Variants in FSIP2 observed in about 807,000 individuals in gnomAD.
FSIP2 encodes the protein fibrous sheath interacting protein 2.
Under a neutral mutation model 510.5 loss-of-function variants are expected in FSIP2, and 367 were observed. The ratio of observed to expected loss-of-function variants is 0.72; its 90% CI spans 0.66 to 0.78. FSIP2 has a LOEUF of 0.78. Ranked by LOEUF, FSIP2 falls within the 30% of genes least tolerant of loss-of-function variation. The pLI, the probability that FSIP2 is intolerant of heterozygous loss-of-function variation, is 0.00. For synonymous variants in FSIP2, 2,601 were observed against 2,732.2 expected (o/e 0.95, Z 1.50); for missense variants, 7,594 against 7,901.7 (o/e 0.96, Z 1.48).
rs1437851371 is a variant in FSIP2, at chr2:185,788,866, A to G, written c.1730A>G (p.Lys577Arg). The part of the protein sequence containing the change: ...TYRSYTSATT[K>R]TFQAEPCAFV... ...AGAAGCTACACATCTGCAACAACTA[A>G]AACATTTCAGGCAGAACCCTGTGCA... Residue 577 changes from lysine to arginine, a missense_variant, in exon 16 of 23, where the codon AAA becomes AGA. Transcript: ENST00000424728. 1 of 1,534,938 alleles carries G rather than the reference A, an allele frequency of 6.5e-7. No homozygotes were observed. Among genetic ancestry groups the G allele is most frequent in the East Asian group, 2.4e-5 (1 of 40,872 alleles).
At chr2:185,758,280 T>C (rs928947045) in intron 9 of FSIP2, among the ~76,000 whole-genome samples, 2 of 151,062 alleles carry the variant, frequency 1.3e-5, no homozygotes, top group African/African-American at 4.8e-5. Context: ...ATTGAATGAC[T>C]AGAAGTACAG....
At position 185,806,100 on chromosome 2, in the gene FSIP2, A is replaced by G. The variant is rs745466871; in HGVS notation, c.16794A>G (p.Glu5598=). The G allele has an allele frequency of 3.8e-6, 6 of 1,576,504 alleles. No individual in the cohort carries two copies. Among genetic ancestry groups the G allele is most frequent in the Admixed American group, 2.0e-5 (1 of 51,006 alleles). The change falls in exon 17 of 23, where the codon GAA becomes GAG. Residue 5598 remains glutamate (E), a synonymous_variant. Coordinates refer to ENST00000424728, the MANE Select transcript of FSIP2 (RefSeq NM_173651.4). The stretch of plus-strand genomic sequence containing the variant: ...TTGATGATACAGAATATGAGAAGGA[A>G]GTACTTGGATCAGATTCTGAAATAG... ...LIIDDTEYEK[E]VLGSDSEIGY...
intron 19 of FSIP2, among the ~76,000 whole-genome samples, chr2:185,818,120 A>G (rs965572838): frequency 2.0e-5 from 3 of 151,978 alleles, no homozygotes; most frequent in Non-Finnish European, 2.9e-5. Context: ...CAAATGTGCA[A>G]GTATTATGTG....
intron 1 of FSIP2, 106 bp from the exon 2 acceptor site, chr2:185,739,240 A>G: frequency 7.8e-7 from 1 of 1,283,474 alleles, no homozygotes; most frequent in Non-Finnish European, 1.0e-6. Flanking sequence ...CCGAACCCTG[A>G]TTGTATAATT....
chr2:185,789,167 T>C lies in FSIP2; in HGVS notation c.2031T>C (p.Asp677=). 6.5e-7 allele frequency: 1 copy of C among 1,534,944 alleles called. No homozygotes were observed. ...GCTTAGGGAGTTCATTGCATTGTGA[T>C]AAAACAGCAAAAGCCATGGATGAAA... is the stretch of plus-strand genomic sequence containing the variant. The part of the protein sequence containing the change: ...TDSLGSSLHC[D]KTAKAMDEMK... Residue 677 remains aspartate, a synonymous_variant, in exon 16 of 23, where the codon GAT becomes GAC. Transcript: ENST00000424728.
rs1429031121 is a variant in FSIP2 at position 185,793,924 on chromosome 2, C to A, written c.6788C>A (p.Ser2263Tyr). ...ITKTIFKRLE[S>Y]FATERIDSLI... ...AAAACTATTTTTAAACGTTTGGAAT[C>A]TTTTGCCACAGAAAGAATAGATTCA... The change falls in exon 16 of 23, where the codon TCT becomes TAT. Residue 2263 changes from serine to tyrosine, a missense_variant. Ser to Tyr is a moderately radical substitution (Grantham distance 144). Transcript: ENST00000424728. The A allele has an allele frequency of 3.3e-6, 5 of 1,525,334 alleles. No homozygotes were observed. The Admixed American group carries it at 8.2e-5, about 25-fold the overall frequency. The allele number at this position is 1,525,334 out of a possible 1,614,324, so 94.5% of individuals were successfully genotyped here.
intron 13 of FSIP2, among the ~76,000 whole-genome samples, chr2:185,770,914 T>C (rs1224795300): frequency 2.0e-5 from 3 of 152,146 alleles, no homozygotes; most frequent in African/African-American, 7.2e-5. Flanking sequence ...AGAATTTCCA[T>C]TCTAAGAGGG....
chr2:185,749,844 C>G (rs1191578996), intron 7 of FSIP2, among the ~76,000 whole-genome samples: 3 of 151,660 alleles, frequency 2.0e-5, no homozygotes, highest in East Asian at 3.9e-4. Context: ...TCTTATATTT[C>G]TAGTTTGCTG....
In FSIP2 at chr2:185,813,602, C is replaced by T. The variant is rs771710858; in HGVS notation, c.19885C>T (p.Leu6629Phe). The T allele has an allele frequency of 1.3e-6, 2 of 1,572,430 alleles. No homozygotes were observed. The highest frequency in any genetic ancestry group is 1.4e-5 in the African/African-American group (1 of 72,644). Reference sequence around the variant, plus strand: ...AAAGCCTGATATTACAAAGGTGGAGCTCTTAAAAGATGTTCAAAGTAAAAA... The same window carrying T: ...AAAGCCTGATATTACAAAGGTGGAGTTCTTAAAAGATGTTCAAAGTAAAAA... ...IRKPDITKVE[L>F]LKDVQSKNDL... The change falls in exon 18 of 23, where the codon CTC becomes TTC. Residue 6629 changes from leucine to phenylalanine, a missense_variant. Leu to Phe is a conservative substitution (Grantham distance 22). Coordinates refer to ENST00000424728, the MANE Select transcript of FSIP2 (RefSeq NM_173651.4).
intron 13 of FSIP2, among the ~76,000 whole-genome samples, chr2:185,771,578 G>A (rs1376867183): frequency 6.6e-6 from 1 of 152,214 alleles, no homozygotes; most frequent in Non-Finnish European, 1.5e-5. Context: ...AGGCTGAGCA[G>A]AGGATCAGTT....
chr2:185,746,732 A>G lies in FSIP2; in HGVS notation c.681A>G (p.Leu227=), dbSNP rs754740481. The part of the protein sequence containing the change: ...QLERTAEEQR[L]FLMDREERRQ... ...AACGCACAGCAGAAGAACAACGCCT[A>G]TTCCTAATGGATAGAGAAGAAAGAC... The change falls in exon 6 of 23, where the codon CTA becomes CTG. Residue 227 remains leucine (L), a synonymous_variant. Transcript: ENST00000424728. 1.3e-6 allele frequency: 2 copies of G among 1,532,692 alleles called. No homozygotes were observed. Among genetic ancestry groups the G allele is most frequent in the South Asian group, 1.2e-5 (1 of 83,494 alleles). 94.9% of individuals were successfully genotyped at this position (1,532,692 alleles called of 1,614,324 possible). A position where few individuals can be genotyped will look rare whatever the true frequency, so the allele number is the denominator to read the frequency against.
chr2:185,763,717 A>G (rs1344953867), intron 12 of FSIP2, among the ~76,000 whole-genome samples: 1 of 151,594 alleles, frequency 6.6e-6, no homozygotes, highest in Non-Finnish European at 1.5e-5. Context: ...TATAGTATTA[A>G]CTAGCTCAAC....
At position 185,802,178 on chromosome 2, in the gene FSIP2, A is replaced by T; in HGVS notation, c.12872A>T (p.Glu4291Val). 6.5e-7 allele frequency: 1 copy of T among 1,533,370 alleles called. No homozygotes were observed. Among genetic ancestry groups the T allele is most frequent in the Non-Finnish European group, 8.7e-7 (1 of 1,145,108 alleles). 95.0% of individuals were successfully genotyped at this position (1,533,370 alleles called of 1,614,324 possible). A position where few individuals can be genotyped will look rare whatever the true frequency, so the allele number is the denominator to read the frequency against. ...ACACAGGTTCTGAGTGAAGTGATAG[A>T]GTCACACAGACCTCAGAAGCAATCA... ...IVTQVLSEVI[E>V]SHRPQKQSPL... is the part of the protein sequence containing the mutation. The change falls in exon 17 of 23, where the codon GAG becomes GTG. Residue 4291 changes from glutamate (E) to valine (V), a missense_variant. Glu to Val is a moderately radical substitution (Grantham distance 121). Transcript: ENST00000424728.
At chr2:185,762,428 CTTG>C (rs1692373022) in intron 11 of FSIP2, among the ~76,000 whole-genome samples, 1 of 151,218 alleles carries the variant, frequency 6.6e-6, no homozygotes, top group Non-Finnish European at 1.5e-5. Context: ...ATCTGTGTGC[CTTG>C]TTATGTTTAT....
rs1369591517 is a variant in FSIP2, at chr2:185,814,114, CT to C, written c.20325+74del. On this transcript the variant is annotated intron_variant, in intron 18 of 22. Transcript: ENST00000424728. ...TCACAAATCTGGCCCAAGAATGTAC[CT>C]TGATTAGTCAGAAAAGAATGCTAAA... 7 of 1,395,244 alleles carry C rather than the reference CT, an allele frequency of 5.0e-6. No homozygotes were observed. The African/African-American group carries it at 1.0e-4, about 20-fold the overall frequency. 86.4% of individuals were successfully genotyped at this position (1,395,244 alleles called of 1,614,324 possible). A position where few individuals can be genotyped will look rare whatever the true frequency, so the allele number is the denominator to read the frequency against.
At position 185,793,799 on chromosome 2, in the gene FSIP2, A is replaced by T; in HGVS notation, c.6663A>T (p.Lys2221Asn). Reference sequence around the variant, plus strand: ...GTTTTTCATATTCAAGAAATCAGAAATCAGCTTATGCTGATGATAATCAGA... The same window carrying T: ...GTTTTTCATATTCAAGAAATCAGAATTCAGCTTATGCTGATGATAATCAGA... Reference protein sequence around the residue: ...TERFSYSRNQKSAYADDNQIT... With the variant: ...TERFSYSRNQNSAYADDNQIT... The change falls in exon 16 of 23, where the codon AAA (lysine) becomes AAT (asparagine). Residue 2221 changes from lysine to asparagine, a missense_variant. Transcript: ENST00000424728. 2.6e-6 allele frequency: 4 copies of T among 1,533,050 alleles called. No individual in the cohort carries two copies. The highest frequency in any genetic ancestry group is 2.6e-6 in the Non-Finnish European group (3 of 1,145,396). The allele number at this position is 1,533,050 out of a possible 1,614,324, so 95.0% of individuals were successfully genotyped here.
At chr2:185,780,910 A>G (rs1692835594) in intron 13 of FSIP2, among the ~76,000 whole-genome samples, 1 of 152,226 alleles carries the variant, frequency 6.6e-6, no homozygotes, top group South Asian at 2.1e-4. Context: ...TTTTAGGGAC[A>G]ATACAGTTTC....
rs1474749760 is a variant in FSIP2, at chr2:185,800,123, A to T, written c.10817A>T (p.Asp3606Val). The change falls in exon 17 of 23, where the codon GAT becomes GTT. Residue 3606 changes from aspartate (D) to valine (V), a missense_variant. Coordinates refer to ENST00000424728, the MANE Select transcript of FSIP2 (RefSeq NM_173651.4). ...GGTGGCTTTGATGACCTCTTTCAGG[A>T]TCTCTTAGTAGGAGTGATTCATGTA... ...VSGGFDDLFQ[D>V]LLVGVIHVLS... 3 of 1,534,122 alleles carry T rather than the reference A, an allele frequency of 2.0e-6. No individual in the cohort carries two copies. Among genetic ancestry groups the T allele is most frequent in the Non-Finnish European group, 1.7e-6 (2 of 1,145,622 alleles).
rs1180950531 is a variant in FSIP2, at chr2:185,739,450, T to C, written c.204T>C (p.Tyr68=). 2.0e-6 allele frequency: 3 copies of C among 1,516,040 alleles called. No individual in the cohort carries two copies. Among genetic ancestry groups the C allele is most frequent in the Non-Finnish European group, 2.6e-6 (3 of 1,138,114 alleles). The allele number at this position is 1,516,040 out of a possible 1,614,324, so 93.9% of individuals were successfully genotyped here. ...PVIPGSNAVF[Y]TTNFGEKLFR... ...TCCCAGGAAGCAATGCTGTATTCTA[T>C]ACTACGAATTTCGGTGAAAAGGTGA... is the stretch of plus-strand genomic sequence containing the variant. The change falls in exon 2 of 23, where the codon TAT becomes TAC. Residue 68 remains tyrosine, a synonymous_variant. Transcript: ENST00000424728.
Sources: allele counts gnomAD v4.1 joint callset (sites outside exome capture counted in the v4.1 genomes callset), GRCh38; gene constraint gnomAD v4.1.1; transcripts MANE v1.5; gene names NCBI Gene and HGNC (gene_info 2026-07-23, HGNC 2026-07-21).